SCARA5: variants seen among roughly 807,000 people sequenced by gnomAD.
SCARA5 encodes the protein scavenger receptor class A, member 5 (putative).
SCARA5 carries 45 observed loss-of-function variants against 46.3 expected under a neutral mutation model. That is an observed-to-expected ratio of 0.97 (90% CI 0.76 to 1.24). The LOEUF (loss-of-function observed/expected upper bound fraction) is 1.24, where lower values mean the gene tolerates loss of function less well. Ranked by LOEUF, SCARA5 falls within the 50% of genes most tolerant of loss-of-function variation. SCARA5 has a pLI of 0.00. For synonymous variants in SCARA5, 333 were observed against 306.5 expected, an observed-to-expected ratio of 1.09 and a Z score of -0.90; for missense variants, 680 against 689.0, an observed-to-expected ratio of 0.99 and a Z score of 0.15.
At chr8:27,898,267 T>C (rs1486925650) in intron 7 of SCARA5, among the ~76,000 whole-genome samples, 1 of 152,108 alleles carries the variant, frequency 6.6e-6, no homozygotes. Context: ...GAAGCTCCCA[T>C]GGAAGGGGTC....
At chr8:27,934,041 T>C (rs1336378668) in intron 3 of SCARA5, among the ~76,000 whole-genome samples, 2 of 152,202 alleles carry the variant, frequency 1.3e-5, no homozygotes, top group African/African-American at 4.8e-5. Flanking sequence ...ATGTGAATAT[T>C]GGTTGTGTAA....
At chr8:27,952,959 C>G (rs1404480217) in intron 3 of SCARA5, among the ~76,000 whole-genome samples, 1 of 152,152 alleles carries the variant, frequency 6.6e-6, no homozygotes, top group African/African-American at 2.4e-5. Context: ...CAAGAGTGAA[C>G]AGGGTATTGC....
intron 3 of SCARA5, among the ~76,000 whole-genome samples, chr8:27,950,460 C>T (rs374189759): frequency 1.3e-5 from 2 of 152,142 alleles, no homozygotes; most frequent in South Asian, 4.1e-4. Context: ...CCACCTAATG[C>T]CGGCAAGCAA....
intron 4 of SCARA5, among the ~76,000 whole-genome samples, chr8:27,918,838 A>G (rs1162640120): frequency 9.7e-6 from 1 of 102,614 alleles, no homozygotes; most frequent in Non-Finnish European, 2.1e-5. Flanking sequence ...AAGAAAGGGA[A>G]GAGGAGAGAG....
intron 7 of SCARA5, among the ~76,000 whole-genome samples, chr8:27,894,950 G>A (rs1807039966): frequency 6.6e-6 from 1 of 152,144 alleles, no homozygotes. Context: ...TGAGAACGGA[G>A]CTGGTCACTA....
At chr8:27,981,865 G>T (rs962273036) in intron 2 of SCARA5, among the ~76,000 whole-genome samples, 17 of 152,194 alleles carry the variant, frequency 1.1e-4, no homozygotes, top group African/African-American at 3.9e-4. Flanking sequence ...ACCAGAGCCT[G>T]ATGCGGCAAC....
intron 8 of SCARA5, among the ~76,000 whole-genome samples, chr8:27,875,591 G>C (rs1806711468): frequency 6.6e-6 from 1 of 152,126 alleles, no homozygotes; most frequent in Non-Finnish European, 1.5e-5. Flanking sequence ...GGTGGGACAT[G>C]AAACACACCA....
In SCARA5 at chr8:27,965,650, G is replaced by A. The variant is rs572971097; in HGVS notation, c.241+764C>T. ...CAGGTACTCATGTGAGACATGTTGG[G>A]TGGAAATAAACTGATCTCTCAGCCT... On this transcript the variant is annotated intron_variant, in intron 3 of 8. Coordinates refer to ENST00000354914, the MANE Select transcript of SCARA5 (RefSeq NM_173833.6). Among the ~76,000 whole-genome samples, 32 of 152,362 alleles carry A rather than the reference G, an allele frequency of 2.1e-4. No homozygotes were observed. In the South Asian group the frequency reaches 6.6e-3, roughly 32 times the overall value.
intron 2 of SCARA5, among the ~76,000 whole-genome samples, chr8:27,977,819 C>T (rs763162868): frequency 2.0e-5 from 3 of 152,218 alleles, no homozygotes; most frequent in Non-Finnish European, 2.9e-5. Flanking sequence ...CCATTTGCTT[C>T]GAGCACAGGA....
intron 3 of SCARA5, among the ~76,000 whole-genome samples, chr8:27,960,833 T>TA (rs11452559): frequency 0.47 from 70,786 of 151,946 alleles, 16,774 homozygotes; most frequent in Admixed American, 0.52. Context: ...GTGATCATGT[T>TA]AAAAAAACAT....
Position 27,987,648 on chromosome 8 carries a change from G to C in SCARA5, c.-15-18C>G. On this transcript the variant is annotated intron_variant, in intron 1 of 8. Transcript: ENST00000354914. Reference sequence around the variant, plus strand: ...TGCAACAGCTGCAGAGAAGGCAAGAGGGGAGGAGAGGGAGGACGAAGGCCG... The same window carrying C: ...TGCAACAGCTGCAGAGAAGGCAAGACGGGAGGAGAGGGAGGACGAAGGCCG... 1 of 1,448,416 alleles carries C rather than the reference G, an allele frequency of 6.9e-7. No homozygotes were observed. Among genetic ancestry groups the C allele is most frequent in the South Asian group, 1.1e-5 (1 of 87,742 alleles). The allele number at this position is 1,448,416 out of a possible 1,614,324, so 89.7% of individuals were successfully genotyped here. A position where few individuals can be genotyped will look rare whatever the true frequency, so the allele number is the denominator to read the frequency against.
intron 7 of SCARA5, among the ~76,000 whole-genome samples, chr8:27,882,794 G>A (rs11781166): frequency 0.78 from 118,521 of 152,172 alleles, 46,234 homozygotes; most frequent in Non-Finnish European, 0.8. Flanking sequence ...CAAGTGCCAG[G>A]TGCTTCCTGA....
chr8:27,931,950 G>A (rs970046803), intron 3 of SCARA5, among the ~76,000 whole-genome samples: 1 of 150,334 alleles, frequency 6.7e-6, no homozygotes, highest in African/African-American at 2.4e-5. Context: ...CACCGCACCC[G>A]GCCAAAGAAC....
intron 2 of SCARA5, among the ~76,000 whole-genome samples, chr8:27,975,119 G>A (rs2129959634): frequency 6.6e-6 from 1 of 152,270 alleles, no homozygotes; most frequent in Non-Finnish European, 1.5e-5. Flanking sequence ...GAGGCTGAAG[G>A]TTGAGTTGAT....
intron 3 of SCARA5, among the ~76,000 whole-genome samples, chr8:27,964,764 A>G (rs1376481866): frequency 6.6e-6 from 1 of 151,594 alleles, no homozygotes; most frequent in African/African-American, 2.4e-5. Context: ...CCCTTCCAGG[A>G]CCTCCAGAGG....
chr8:27,951,238 T>A (rs1808121794), intron 3 of SCARA5, among the ~76,000 whole-genome samples: 4 of 151,918 alleles, frequency 2.6e-5, no homozygotes, highest in Non-Finnish European at 5.9e-5. Flanking sequence ...TAGTGTGGAG[T>A]CAGACACAGA....
intron 2 of SCARA5, among the ~76,000 whole-genome samples, chr8:27,980,034 C>A (rs190596260): frequency 1.3e-5 from 2 of 152,306 alleles, no homozygotes; most frequent in Admixed American, 6.5e-5. Flanking sequence ...GGTAACCTTG[C>A]ACTTGAGCCA....
At position 27,871,738 on chromosome 8, in the gene SCARA5, G is replaced by A; in HGVS notation, c.*196C>T. Reference sequence around the variant, plus strand: ...AGAGAGAGACGGGCAGTAGGTCCCAGAGTTATACTTCGGAGCACATGTTCA... The same window carrying A: ...AGAGAGAGACGGGCAGTAGGTCCCAAAGTTATACTTCGGAGCACATGTTCA... On this transcript the variant is annotated 3_prime_UTR_variant, in exon 9 of 9. Transcript: ENST00000354914. 1 of 1,429,564 alleles carries A rather than the reference G, an allele frequency of 7.0e-7. No individual in the cohort carries two copies. Among genetic ancestry groups the A allele is most frequent in the African/African-American group, 1.4e-5 (1 of 69,820 alleles). The allele number at this position is 1,429,564 out of a possible 1,614,324, so 88.6% of individuals were successfully genotyped here.
chr8:27,965,331 C>G (rs1228243042), intron 3 of SCARA5, among the ~76,000 whole-genome samples: 1 of 152,228 alleles, frequency 6.6e-6, no homozygotes, highest in Admixed American at 6.5e-5. Flanking sequence ...AGATTCCTGC[C>G]CTGGGCTTCA....
Sources: allele counts gnomAD v4.1 joint callset (sites outside exome capture counted in the v4.1 genomes callset), GRCh38; gene constraint gnomAD v4.1.1; transcripts MANE v1.5; gene names NCBI Gene and HGNC (gene_info 2026-07-23, HGNC 2026-07-21).